HDAC9: variants seen among roughly 807,000 people sequenced by gnomAD.
The protein encoded by HDAC9 is MEF-2 interacting transcription repressor (MITR) protein.
A neutral mutation model predicts 139.4 loss-of-function variants in HDAC9; 41 were observed. The ratio of observed to expected loss-of-function variants is 0.29; its 90% CI spans 0.23 to 0.38. The LOEUF is 0.38. HDAC9 is among the 10% of genes least tolerant of loss of function. The probability of loss-of-function intolerance (pLI) is 1.00; values close to 1 mark genes in which losing one functional copy is unlikely to be tolerated. For synonymous variants in HDAC9, 517 were observed against 476.2 expected (o/e 1.09, Z -1.12); for missense variants, 1,147 against 1,297.0 (o/e 0.88, Z 1.78).
At chr7:18,506,124 C>T (rs914010349) in intron 2 of HDAC9, 15 of 152,202 alleles carry the variant, frequency 9.9e-5, no homozygotes, top group Non-Finnish European at 1.9e-4. Context: ...ACCACAGATT[C>T]CTTCCTGCTG....
intron 23 of HDAC9, among the ~76,000 whole-genome samples, chr7:18,940,490 T>C (rs1264320710): frequency 6.6e-6 from 1 of 152,156 alleles, no homozygotes; most frequent in East Asian, 1.9e-4. Flanking sequence ...CAGTGCATGA[T>C]GAATATTTTT....
chr7:18,823,288 T>C (rs191541142), intron 17 of HDAC9, among the ~76,000 whole-genome samples: 1 of 151,968 alleles, frequency 6.6e-6, no homozygotes, highest in Non-Finnish European at 1.5e-5. Context: ...ATGAGCAGGG[T>C]AGGAGATTGG....
chr7:18,642,093 C>G (rs192260202), intron 8 of HDAC9, among the ~76,000 whole-genome samples: 1 of 152,000 alleles, frequency 6.6e-6, no homozygotes, highest in Non-Finnish European at 1.5e-5. Flanking sequence ...AGCAATGTCC[C>G]GGTCTGTAAA....
intron 1 of HDAC9, among the ~76,000 whole-genome samples, chr7:18,459,868 AGTATTTCAGATAGTCAG>A (rs1242480477): frequency 6.6e-6 from 1 of 152,070 alleles, no homozygotes; most frequent in African/African-American, 2.4e-5. Flanking sequence ...TCTTATATCA[AGTATTTCAGATAGTCAG>A]TTTGCATACT....
chr7:18,422,330 C>G (rs1425196290), intron 1 of HDAC9, among the ~76,000 whole-genome samples: 1 of 152,066 alleles, frequency 6.6e-6, no homozygotes, highest in Non-Finnish European at 1.5e-5. Context: ...GGGAGAAAGA[C>G]TAGAAAGGAG....
chr7:18,832,778 C>G (rs898324218), intron 19 of HDAC9, among the ~76,000 whole-genome samples: 17 of 152,158 alleles, frequency 1.1e-4, no homozygotes, highest in African/African-American at 4.1e-4. Flanking sequence ...TCTTGTTGCC[C>G]AGGCTGGAGT....
At chr7:18,119,886 G>T (rs1437297208) in intron 1 of HDAC9, among the ~76,000 whole-genome samples, 2 of 152,186 alleles carry the variant, frequency 1.3e-5, no homozygotes, top group Non-Finnish European at 2.9e-5. Flanking sequence ...GACCATAGGT[G>T]TCATATTGAG....
chr7:18,635,835 T>C (rs951321538), intron 8 of HDAC9, among the ~76,000 whole-genome samples: 13 of 152,118 alleles, frequency 8.5e-5, no homozygotes, highest in African/African-American at 3.1e-4. Flanking sequence ...AGAACACTTC[T>C]GCTTATAGGG....
At chr7:18,155,895 T>TA (rs1286716557) in intron 1 of HDAC9, among the ~76,000 whole-genome samples, 1 of 152,192 alleles carries the variant, frequency 6.6e-6, no homozygotes, top group Non-Finnish European at 1.5e-5. Flanking sequence ...AGGTGTCTGT[T>TA]ACGGTATTGG....
chr7:18,521,788 T>C (rs1056286522), intron 2 of HDAC9, among the ~76,000 whole-genome samples: 14 of 152,218 alleles, frequency 9.2e-5, no homozygotes, highest in Non-Finnish European at 1.3e-4. Context: ...TTACTTAGTA[T>C]TGTTTTTAAA....
intron 16 of HDAC9, among the ~76,000 whole-genome samples, chr7:18,779,797 C>G (rs1020816061): frequency 6.6e-6 from 1 of 151,990 alleles, no homozygotes; most frequent in African/African-American, 2.4e-5. Flanking sequence ...GGTAAACAGA[C>G]TCCCTGATTT....
intron 16 of HDAC9, 37 bp from the exon 17 acceptor site, chr7:18,793,308 T>A (rs1470338774): frequency 7.1e-7 from 1 of 1,399,802 alleles, no homozygotes; most frequent in Admixed American, 2.0e-5. Context: ...TTTCGCTTTC[T>A]TCTTCTGTCT....
chr7:18,425,901 C>T (rs550535382), intron 1 of HDAC9, among the ~76,000 whole-genome samples: 1 of 152,110 alleles, frequency 6.6e-6, no homozygotes, highest in African/African-American at 2.4e-5. Flanking sequence ...TGATCAAGTC[C>T]AGCCTGCCTT....
At chr7:18,913,244 A>T (rs756440758) in intron 22 of HDAC9, among the ~76,000 whole-genome samples, 3 of 152,094 alleles carry the variant, frequency 2.0e-5, no homozygotes, top group Non-Finnish European at 2.9e-5. Context: ...TTAATTCGCC[A>T]TGTCTAAAAT....
At chr7:18,703,657 G>A (rs750056916) in intron 12 of HDAC9, among the ~76,000 whole-genome samples, 1 of 151,614 alleles carries the variant, frequency 6.6e-6, no homozygotes, top group African/African-American at 2.4e-5. Context: ...ATTTCAAATT[G>A]GAAGAGTTAG....
At chr7:18,764,040 TG>T (rs1789615165) in intron 15 of HDAC9, among the ~76,000 whole-genome samples, 2 of 152,274 alleles carry the variant, frequency 1.3e-5, no homozygotes, top group Admixed American at 6.5e-5. Flanking sequence ...AACATGGCGA[TG>T]TTTTTTTAAA....
chr7:18,286,462 CTTA>C (rs150712520), upstream of HDAC9, among the ~76,000 whole-genome samples: 16,904 of 149,702 alleles, frequency 0.11, 1,309 homozygotes, highest in Middle Eastern at 0.18. Context: ...TTTAAGTGGT[CTTA>C]TTATGTATGA....
intron 12 of HDAC9, among the ~76,000 whole-genome samples, chr7:18,671,361 T>G (rs1355424464): frequency 6.6e-6 from 1 of 151,980 alleles, no homozygotes; most frequent in Non-Finnish European, 1.5e-5. Context: ...GACTGGTTGC[T>G]CAGTCATCTA....
chr7:18,640,915 A>G (rs975350243), intron 8 of HDAC9, among the ~76,000 whole-genome samples: 1 of 152,058 alleles, frequency 6.6e-6, no homozygotes, highest in Non-Finnish European at 1.5e-5. Context: ...TAATTTCTCG[A>G]AGTTAGAATT....
Sources: gnomAD v4.1 joint callset for allele counts (sites outside exome capture counted in the v4.1 genomes callset) on GRCh38, gnomAD v4.1.1 for gene constraint, MANE v1.5 for transcripts, NCBI Gene and HGNC (gene_info 2026-07-23, HGNC 2026-07-21) for gene names.